NDC80: variants seen among roughly 807,000 people sequenced by gnomAD.
The protein encoded by NDC80 is NDC80 kinetochore complex component.
NDC80 carries 69 observed loss-of-function variants against 89.3 expected under a neutral mutation model. That is an observed-to-expected ratio of 0.77 (90% CI 0.64 to 0.94). The LOEUF (loss-of-function observed/expected upper bound fraction) is 0.94, where lower values mean the gene tolerates loss of function less well. Among genes scored for constraint, NDC80 ranks in the 40% least tolerant of loss-of-function variants. NDC80 has a pLI of 0.00. For missense variants in NDC80, 593 were observed against 739.6 expected (o/e 0.80, Z 2.30); for synonymous variants, 243 against 255.6 (o/e 0.95, Z 0.47).
intron 12 of NDC80, among the ~76,000 whole-genome samples, chr18:2,600,722 A>G (rs1449345555): frequency 6.6e-6 from 1 of 152,198 alleles, no homozygotes; most frequent in Admixed American, 6.5e-5. Context: ...ATAATGGCAT[A>G]TGGGATTTTA....
Position 2,616,475 on chromosome 18 carries a change from A to G in NDC80, c.1830A>G (p.Glu610=). ...AGCAGATTGCTAAAGTTGATAGAGA[A>G]TATGAAGAATGCATGTCAGAAGATC... The part of the protein sequence containing the change: ...LEEQIAKVDR[E]YEECMSEDLS... Residue 610 remains glutamate, a synonymous_variant, in exon 17 of 17, where the codon GAA becomes GAG. Transcript: ENST00000261597. The G allele has an allele frequency of 1.3e-6, 2 of 1,540,684 alleles. No individual in the cohort carries two copies. Among genetic ancestry groups the G allele is most frequent in the Non-Finnish European group, 1.8e-6 (2 of 1,136,906 alleles).
At chr18:2,598,621 C>T (rs2072669268) in intron 11 of NDC80, among the ~76,000 whole-genome samples, 2 of 152,122 alleles carry the variant, frequency 1.3e-5, no homozygotes, top group Admixed American at 6.5e-5. Context: ...TTATATTCTA[C>T]TTATTTTGGA....
At chr18:2,573,536 C>T (rs2072530939) in intron 2 of NDC80, among the ~76,000 whole-genome samples, 1 of 152,140 alleles carries the variant, frequency 6.6e-6, no homozygotes. Context: ...ACTCTTTCCT[C>T]AAGATTTGCT....
intron 10 of NDC80, among the ~76,000 whole-genome samples, chr18:2,593,041 TG>T (rs1568003353): frequency 3.0e-5 from 4 of 131,310 alleles, no homozygotes; most frequent in African/African-American, 6.5e-5. Context: ...TGTGTGTGTG[TG>T]TGTGTGTGTG....
At chr18:2,593,478 C>T (rs1189355888) in intron 10 of NDC80, among the ~76,000 whole-genome samples, 2 of 152,148 alleles carry the variant, frequency 1.3e-5, no homozygotes, top group African/African-American at 4.8e-5. Context: ...TGTTCCTTTA[C>T]AATATTTTTC....
Position 2,578,082 on chromosome 18 carries a change from A to G in NDC80, c.417A>G (p.Ser139=). Residue 139 remains serine, a synonymous_variant, in exon 5 of 17, where the codon TCA becomes TCG. Transcript: ENST00000261597. The stretch of plus-strand genomic sequence containing the variant: ...TTCTTTATGGCTTCCTGTGCCCCTC[A>G]TACGAACTTCCTGACACAAAGTTTG... ...FTFLYGFLCP[S]YELPDTKFEE... 1 of 1,614,000 alleles carries G rather than the reference A, an allele frequency of 6.2e-7. No individual in the cohort carries two copies. Among genetic ancestry groups the G allele is most frequent in the South Asian group, 1.1e-5 (1 of 91,080 alleles).
intron 13 of NDC80, among the ~76,000 whole-genome samples, chr18:2,605,554 A>G (rs1055818890): frequency 1.3e-5 from 2 of 152,170 alleles, no homozygotes; most frequent in African/African-American, 4.8e-5. Flanking sequence ...TACTGCAGAT[A>G]TAACATACCT....
At chr18:2,599,360 A>G (rs935709465) in intron 12 of NDC80, among the ~76,000 whole-genome samples, 189 bp downstream of exon 12, 2 of 152,208 alleles carry the variant, frequency 1.3e-5, no homozygotes, top group Non-Finnish European at 2.9e-5. Flanking sequence ...TATAAAATAG[A>G]TGCCAGTACT....
intron 5 of NDC80, among the ~76,000 whole-genome samples, chr18:2,578,643 G>T (rs1356455351): frequency 6.6e-6 from 1 of 152,166 alleles, no homozygotes; most frequent in Non-Finnish European, 1.5e-5. Context: ...TTTATTGGGG[G>T]TATATTGAAT....
At chr18:2,590,292 A>G in intron 10 of NDC80, 130 bp downstream of exon 10, 1 of 945,828 alleles carries the variant, frequency 1.1e-6, no homozygotes, top group South Asian at 2.4e-5. Context: ...CCAAGTTTTC[A>G]GTGTGTTTCG....
intron 5 of NDC80, among the ~76,000 whole-genome samples, 164 bp downstream of exon 5, chr18:2,578,305 CA>C (rs1239966416): frequency 6.6e-6 from 1 of 151,654 alleles, no homozygotes; most frequent in African/African-American, 2.4e-5. Flanking sequence ...CAACTGCTTA[CA>C]AAAAAACAAA....
At chr18:2,608,129 G>A (rs1029815423) in intron 14 of NDC80, among the ~76,000 whole-genome samples, 3 of 146,952 alleles carry the variant, frequency 2.0e-5, no homozygotes, top group East Asian at 2.0e-4. Flanking sequence ...CTGAAGCATC[G>A]AATTAAAGTT....
intron 2 of NDC80, among the ~76,000 whole-genome samples, chr18:2,573,462 A>T (rs1184231644): frequency 6.6e-6 from 1 of 152,356 alleles, no homozygotes; most frequent in Non-Finnish European, 1.5e-5. Context: ...ATCAAATCAG[A>T]GCAAAATTAT....
At chr18:2,572,674 T>C (rs958423631) in intron 1 of NDC80, among the ~76,000 whole-genome samples, 1 of 152,216 alleles carries the variant, frequency 6.6e-6, no homozygotes, top group African/African-American at 2.4e-5. Context: ...GATACCCTTG[T>C]GAAGGCAAAA....
At chr18:2,599,633 G>A (rs533586000) in intron 12 of NDC80, among the ~76,000 whole-genome samples, 3 of 152,256 alleles carry the variant, frequency 2.0e-5, no homozygotes, top group Non-Finnish European at 4.4e-5. Flanking sequence ...AAATGTATTA[G>A]AGTACTAAGA....
At chr18:2,593,924 C>CCAA (rs201178362) in intron 10 of NDC80, 167,521 of 212,238 alleles carry the variant, frequency 0.79, 66,669 homozygotes, top group East Asian at 0.94. Context: ...TTTTATTTTC[C>CCAA]GGGAGTCTCA....
Position 2,610,876 on chromosome 18 carries a change from G to A in NDC80, c.1791+15G>A, listed in dbSNP as rs779745008. On this transcript the variant is annotated intron_variant, in intron 16 of 16. Transcript: ENST00000261597. ...GGTCTGTAGAGGTAAGTATGTGATG[G>A]TCTTTCCTACGTTCTAAGAAAGGTT... is the stretch of plus-strand genomic sequence containing the variant. 1 of 1,418,976 alleles carries A rather than the reference G, an allele frequency of 7.0e-7. No individual in the cohort carries two copies. 87.9% of individuals were successfully genotyped at this position (1,418,976 alleles called of 1,614,324 possible).
intron 16 of NDC80, among the ~76,000 whole-genome samples, chr18:2,614,270 C>G (rs1249319786): frequency 6.6e-6 from 1 of 151,994 alleles, no homozygotes; most frequent in African/African-American, 2.4e-5. Flanking sequence ...AACCCCATCT[C>G]TACTAAAAAT....
intron 3 of NDC80, among the ~76,000 whole-genome samples, chr18:2,576,258 T>C (rs1053559273): frequency 1.3e-5 from 2 of 152,202 alleles, no homozygotes; most frequent in African/African-American, 2.4e-5. Flanking sequence ...AAATTTAAAA[T>C]ATGCATTCAA....
Sources: gnomAD v4.1 joint callset for allele counts (sites outside exome capture counted in the v4.1 genomes callset) on GRCh38, gnomAD v4.1.1 for gene constraint, MANE v1.5 for transcripts, NCBI Gene and HGNC (gene_info 2026-07-23, HGNC 2026-07-21) for gene names.